SRGAP3: variants seen among roughly 807,000 people sequenced by gnomAD.
SRGAP3 encodes the protein SLIT-ROBO Rho GTPase-activating protein 3.
Under a neutral mutation model 121.1 loss-of-function variants are expected in SRGAP3, and 39 were observed. That is an observed-to-expected ratio of 0.32 (90% CI 0.25 to 0.42). SRGAP3 has a LOEUF of 0.42. Among genes scored for constraint, SRGAP3 ranks in the 10% least tolerant of loss-of-function variants. The probability of loss-of-function intolerance (pLI) is 1.00; values close to 1 mark genes in which losing one functional copy is unlikely to be tolerated. For synonymous variants in SRGAP3, 601 were observed against 570.0 expected (o/e 1.05, Z -0.77); for missense variants, 1,213 against 1,470.6 (o/e 0.82, Z 2.86).
At chr3:9,062,024 G>C (rs1406049201) in intron 5 of SRGAP3, among the ~76,000 whole-genome samples, 1 of 152,030 alleles carries the variant, frequency 6.6e-6, no homozygotes, top group Non-Finnish European at 1.5e-5. Flanking sequence ...ATTCTCTTCA[G>C]AGATCTCTAA....
intron 9 of SRGAP3, among the ~76,000 whole-genome samples, chr3:9,050,433 C>A (rs921378206): frequency 6.6e-6 from 1 of 152,194 alleles, no homozygotes; most frequent in Non-Finnish European, 1.5e-5. Flanking sequence ...TCATCTCTGT[C>A]CGCCTCATTT....
chr3:9,070,449 T>C (rs1282128879), intron 4 of SRGAP3, among the ~76,000 whole-genome samples: 1 of 152,254 alleles, frequency 6.6e-6, no homozygotes, highest in Non-Finnish European at 1.5e-5. Flanking sequence ...TTCGTGATAG[T>C]ATTCTCTGTA....
intron 3 of SRGAP3, among the ~76,000 whole-genome samples, chr3:9,096,961 AT>A (rs1205580608): frequency 1.6e-4 from 15 of 92,914 alleles, no homozygotes; most frequent in Non-Finnish European, 2.5e-4. Context: ...ATATATATAT[AT>A]ATATATATAT....
At chr3:9,240,663 T>G (rs1953598300) in intron 1 of SRGAP3, among the ~76,000 whole-genome samples, 1 of 152,100 alleles carries the variant, frequency 6.6e-6, no homozygotes. Flanking sequence ...AGTCTAAAAG[T>G]AATCTGAAAG....
intron 11 of SRGAP3, 40 bp downstream of exon 11, chr3:9,038,023 G>A (rs925414277): frequency 1.6e-5 from 26 of 1,613,922 alleles, no homozygotes; most frequent in Admixed American, 5.0e-5. Flanking sequence ...CTCCCACCTC[G>A]GGCAGCAGAT....
At chr3:9,122,684 G>C (rs1185189740) in intron 2 of SRGAP3, among the ~76,000 whole-genome samples, 1 of 150,894 alleles carries the variant, frequency 6.6e-6, no homozygotes, top group Non-Finnish European at 1.5e-5. Flanking sequence ...ATTCCAGCCT[G>C]GGTGGCAGAG....
chr3:9,257,564 A>G (rs1559246840), intron 3 of SRGAP3: 1 of 152,146 alleles, frequency 6.6e-6, no homozygotes, highest in Non-Finnish European at 1.5e-5. Flanking sequence ...AGGAAGCCTA[A>G]ATAATGGTTG....
At chr3:9,271,803 C>G (rs1006414251) in intron 3 of SRGAP3, among the ~76,000 whole-genome samples, 8 of 152,188 alleles carry the variant, frequency 5.3e-5, no homozygotes, top group Non-Finnish European at 1.2e-4. Flanking sequence ...TAATTTACAC[C>G]TCTGTCCTGT....
chr3:9,262,533 G>GAAAAAAAAAAAAAA (rs1954274099), intron 3 of SRGAP3, among the ~76,000 whole-genome samples: 1 of 4,476 alleles, frequency 2.2e-4, no homozygotes, highest in Non-Finnish European at 6.5e-4. Context: ...CAAATGGAAA[G>GAAAAAAAAAAAAAA]CAAAAAAAAA....
intron 1 of SRGAP3, among the ~76,000 whole-genome samples, chr3:9,346,749 TTTTC>T (rs1955897428): frequency 9.2e-6 from 1 of 109,076 alleles, no homozygotes. Flanking sequence ...AAAAGCAATT[TTTTC>T]TTTTTTTTTT....
At chr3:9,307,372 G>A (rs2125277085) in intron 3 of SRGAP3, among the ~76,000 whole-genome samples, 1 of 152,326 alleles carries the variant, frequency 6.6e-6, no homozygotes, top group South Asian at 2.1e-4. Context: ...GGTCCTGGGG[G>A]CTGGAAATGC....
In SRGAP3 at chr3:9,047,927, C is replaced by G. The variant is rs576762793; in HGVS notation, c.1324-452G>C. On this transcript the variant is annotated intron_variant, in intron 9 of 21. Transcript: ENST00000383836. ...GATCTGTCAGAGAGGAGCCTCGGAACGAGTCTTCCTTTCATCTGGCCCCAC... is the reference window on the plus strand; with the variant it reads ...GATCTGTCAGAGAGGAGCCTCGGAAGGAGTCTTCCTTTCATCTGGCCCCAC... Among the ~76,000 whole-genome samples, 886 of 152,370 alleles carry G rather than the reference C, an allele frequency of 5.8e-3. 3 individuals carry two copies. The highest frequency in any genetic ancestry group is 0.014 in the Middle Eastern group (4 of 294).
intron 18 of SRGAP3, among the ~76,000 whole-genome samples, chr3:8,997,266 G>C (rs1423713051): frequency 6.6e-6 from 1 of 152,038 alleles, no homozygotes; most frequent in Non-Finnish European, 1.5e-5. Context: ...CTGTCTACCT[G>C]CTCACCCAGG....
chr3:9,026,825 G>A, intron 13 of SRGAP3, 110 bp downstream of exon 13: 1 of 1,214,648 alleles, frequency 8.2e-7, no homozygotes, highest in Non-Finnish European at 1.2e-6. Flanking sequence ...CTCCAAAGCA[G>A]AGCTGTGACG....
intron 10 of SRGAP3, among the ~76,000 whole-genome samples, chr3:9,044,114 G>A (rs925236645): frequency 1.2e-4 from 19 of 152,132 alleles, no homozygotes; most frequent in Non-Finnish European, 1.0e-4. Flanking sequence ...CATGTCTGGG[G>A]TCAATCATGT....
chr3:9,172,885 C>A (rs537170076), intron 1 of SRGAP3, among the ~76,000 whole-genome samples: 1 of 152,300 alleles, frequency 6.6e-6, no homozygotes, highest in South Asian at 2.1e-4. Context: ...ATTGCAGAGG[C>A]TATGTCTAGT....
At chr3:9,292,658 T>C (rs976133211) in intron 3 of SRGAP3, 3 of 152,232 alleles carry the variant, frequency 2.0e-5, no homozygotes, top group South Asian at 2.1e-4. Context: ...CCAGTCAGCA[T>C]GGGGTAACTG....
chr3:9,334,321 A>T, intron 1 of SRGAP3, among the ~76,000 whole-genome samples: 1 of 152,196 alleles, frequency 6.6e-6, no homozygotes, highest in Non-Finnish European at 1.5e-5. Context: ...AGAGATTGGA[A>T]ATAAACAGGA....
Position 9,031,570 on chromosome 3 carries a change from C to G in SRGAP3, c.1539+1080G>C, listed in dbSNP as rs540031577. 2.0e-5 allele frequency among the ~76,000 whole-genome samples: 3 copies of G among 152,306 alleles called. No individual in the cohort carries two copies. The South Asian group carries it at 6.2e-4, about 32-fold the overall frequency. ...TCTCCCTTCCCCAGAACTCAGCCCACAGGCAGAGACAGTCCTGGGACCCAG... is the reference window on the plus strand; with the variant it reads ...TCTCCCTTCCCCAGAACTCAGCCCAGAGGCAGAGACAGTCCTGGGACCCAG... On this transcript the variant is annotated intron_variant, in intron 12 of 21. Transcript: ENST00000383836.
Sources: gnomAD v4.1 joint callset for allele counts (sites outside exome capture counted in the v4.1 genomes callset) on GRCh38, gnomAD v4.1.1 for gene constraint, MANE v1.5 for transcripts, NCBI Gene and HGNC (gene_info 2026-07-23, HGNC 2026-07-21) for gene names.